The following STAT5B variants were observed in gnomAD, a reference collection of about 807,000 sequenced individuals.
STAT5B encodes transcription factor STAT5B.
Under a neutral mutation model 107.8 loss-of-function variants are expected in STAT5B, and 21 were observed. The observed-to-expected ratio is 0.19, with a 90% confidence interval of 0.14 to 0.28. STAT5B has a LOEUF of 0.28. STAT5B is among the 10% of genes least tolerant of loss of function. The pLI is 1.00. For synonymous variants in STAT5B, 325 were observed against 401.7 expected (o/e 0.81, Z 2.28); for missense variants, 565 against 1,008.2 (o/e 0.56, Z 5.95).
chr17:42,280,505 C>T (rs554419382), upstream of STAT5B, among the ~76,000 whole-genome samples: 1 of 152,278 alleles, frequency 6.6e-6, no homozygotes, highest in African/African-American at 2.4e-5. Flanking sequence ...TATGGCTTCC[C>T]TCCTGCATCC....
At position 42,221,949 on chromosome 17, in the gene STAT5B, GGTGT is replaced by G. The variant is rs893423853; in HGVS notation, c.550+1429_550+1432del. Among the ~76,000 whole-genome samples, 15 of 146,410 alleles carry G rather than the reference GGTGT, an allele frequency of 1.0e-4. No homozygotes were observed. In the South Asian group the frequency reaches 2.2e-3, roughly 22 times the overall value. Reference sequence around the variant, plus strand: ...CTATGTGTGTGTGGTGTGTATGTGTGGTGTGTGTGTGTGCTATGTGTGGTGTGTG... The same window carrying G: ...CTATGTGTGTGTGGTGTGTATGTGTGGTGTGTGTGCTATGTGTGGTGTGTG... On this transcript the variant is annotated intron_variant, in intron 5 of 18. Coordinates refer to ENST00000293328, the MANE Select transcript of STAT5B (RefSeq NM_012448.4).
intron 1 of STAT5B, among the ~76,000 whole-genome samples, chr17:42,255,679 A>G (rs1479457067): frequency 6.6e-6 from 1 of 152,214 alleles, no homozygotes; most frequent in African/African-American, 2.4e-5. Flanking sequence ...TTTTATTCTC[A>G]TTACTGTTTA....
rs59157462 is a variant in STAT5B, at chr17:42,248,579, T to C, written c.-10-16442A>G. Among the ~76,000 whole-genome samples, 395 of 125,114 alleles carry C rather than the reference T, an allele frequency of 3.2e-3. 4 individuals are homozygous for C. Among genetic ancestry groups the C allele is most frequent in the African/African-American group, 0.011 (376 of 33,470 alleles). 82.1% of individuals were successfully genotyped at this position (125,114 alleles called of 152,430 possible). A position where few individuals can be genotyped will look rare whatever the true frequency, so the allele number is the denominator to read the frequency against. On this transcript the variant is annotated intron_variant, in intron 1 of 18. Transcript: ENST00000293328. Reference sequence around the variant, plus strand: ...CCGTCTCTCACTATACCTCTAATAGTAGATCTACACACAACTTAGCATGGT... The same window carrying C: ...CCGTCTCTCACTATACCTCTAATAGCAGATCTACACACAACTTAGCATGGT...
chr17:42,219,513 C>G, intron 6 of STAT5B, 50 bp from the exon 7 acceptor site: 1 of 1,197,228 alleles, frequency 8.4e-7, no homozygotes, highest in Non-Finnish European at 1.1e-6. Context: ...GAGAACACCG[C>G]AGGGCCTCGC....
chr17:42,202,945 T>C (rs997488255), intron 16 of STAT5B, 137 bp from the exon 17 acceptor site: 10 of 1,226,092 alleles, frequency 8.2e-6, no homozygotes, highest in Admixed American at 3.8e-5. Flanking sequence ...CACTTAATAT[T>C]TTTTTGTTTT....
intron 16 of STAT5B, 65 bp downstream of exon 16, chr17:42,207,487 GCACACA>G (rs57356051): frequency 0.048 from 56,221 of 1,179,530 alleles, 410 homozygotes; most frequent in African/African-American, 0.055. Flanking sequence ...ACGCAGGTAT[GCACACA>G]CACACACACA....
intron 1 of STAT5B, among the ~76,000 whole-genome samples, chr17:42,259,779 C>CAA (rs374490542): frequency 7.1e-6 from 1 of 141,622 alleles, no homozygotes; most frequent in Non-Finnish European, 1.5e-5. Flanking sequence ...GATTCTGTCT[C>CAA]AAAAAAAAAA....
rs370769279 is a variant in STAT5B at position 42,207,644 on chromosome 17, T to G, written c.1991A>C (p.Asn664Thr). 2 of 1,613,972 alleles carry G rather than the reference T, an allele frequency of 1.2e-6. No individual in the cohort carries two copies. The highest frequency in any genetic ancestry group is 2.7e-5 in the African/African-American group (2 of 74,888). The change falls in exon 16 of 19, where the codon AAT (asparagine) becomes ACT (threonine). Residue 664 changes from asparagine to threonine, a missense_variant. This residue lies in a region of STAT5B where 38 missense variants were observed against 79.5 expected (regional missense o/e 0.48). Transcript: ENST00000293328. ...ATCAGGAAACACGTAGATAAGGTAA[T>G]TCAAGTCTCCCAAGCGGTCGGCTAG... is the stretch of plus-strand genomic sequence containing the variant. ...RSLADRLGDL[N>T]YLIYVFPDRP...
At position 42,243,482 on chromosome 17, in the gene STAT5B, C is replaced by A. The variant is rs146092531; in HGVS notation, c.-10-11345G>T. 9.6e-4 allele frequency among the ~76,000 whole-genome samples: 146 copies of A among 152,300 alleles called. 1 individual carries two copies. In the Middle Eastern group the frequency reaches 0.01, roughly 11 times the overall value. ...CAGGTTGCGTAGAAGAATGCCCTTG[C>A]TGGGAGTAGATACACTGTCAAGTAT... On this transcript the variant is annotated intron_variant, in intron 1 of 18. Transcript: ENST00000293328.
rs2080037654 is a variant in STAT5B at position 42,200,799 on chromosome 17, GC to G, written c.*938del. ...AGCATCATCAATAAGCCTGAAGAAG[GC>G]CACGGACTGTGCATCCGCTGGCTCA... On this transcript the variant is annotated 3_prime_UTR_variant, in exon 19 of 19. Coordinates refer to ENST00000293328, the MANE Select transcript of STAT5B (RefSeq NM_012448.4). The G allele has an allele frequency of 2.9e-6, 1 of 346,372 alleles. No individual in the cohort carries two copies. The highest frequency in any genetic ancestry group is 5.2e-6 in the Non-Finnish European group (1 of 193,350). 21.5% of individuals were successfully genotyped at this position (346,372 alleles called of 1,614,324 possible).
chr17:42,261,930 C>A (rs1436446870), intron 1 of STAT5B, among the ~76,000 whole-genome samples: 1 of 151,988 alleles, frequency 6.6e-6, no homozygotes, highest in African/African-American at 2.4e-5. Flanking sequence ...GAACTCCCGG[C>A]CTCAAGCAAT....
chr17:42,264,264 A>G (rs1486660802), intron 1 of STAT5B, among the ~76,000 whole-genome samples: 1 of 151,784 alleles, frequency 6.6e-6, no homozygotes, highest in Non-Finnish European at 1.5e-5. Flanking sequence ...TGTGCAGGTT[A>G]GTTACATACG....
At chr17:42,223,782 T>C (rs1306216489) in intron 4 of STAT5B, among the ~76,000 whole-genome samples, 2 of 152,174 alleles carry the variant, frequency 1.3e-5, no homozygotes, top group South Asian at 2.1e-4. Flanking sequence ...GGGAGAAGCT[T>C]CCATTTCAGA....
intron 1 of STAT5B, among the ~76,000 whole-genome samples, chr17:42,256,385 CTCT>C (rs1330743889): frequency 4.6e-5 from 7 of 152,086 alleles, no homozygotes; most frequent in Admixed American, 4.6e-4. Flanking sequence ...CCAGCCCCCT[CTCT>C]TTTCTTTCTT....
At position 42,216,015 on chromosome 17, in the gene STAT5B, G is replaced by A. The variant is rs2080168686; in HGVS notation, c.1472C>T (p.Pro491Leu). The A allele has an allele frequency of 6.2e-7, 1 of 1,613,948 alleles. No homozygotes were observed. Among genetic ancestry groups the A allele is most frequent in the Non-Finnish European group, 8.5e-7 (1 of 1,179,970 alleles). Residue 491 changes from proline (P) to leucine (L), a missense_variant and splice_region_variant, in exon 12 of 19, where the codon CCT (proline) becomes CTT (leucine). Physicochemically the swap from Pro to Leu is moderately conservative, Grantham distance 98. Transcript: ENST00000293328. ...CACATGCCCGAGGAATACACTCACA[G>A]GCTCTGCAAAAGCATTGTCCCAGAG... ...TVLWDNAFAE[P>L]GRVPFAVPDK...
chr17:42,241,280 C>T (rs1022888622), intron 1 of STAT5B, among the ~76,000 whole-genome samples: 7 of 147,068 alleles, frequency 4.8e-5, no homozygotes, highest in African/African-American at 7.6e-5. Flanking sequence ...GTAGAAGTTG[C>T]GGTGAGCTGA....
the STAT5B span, among the ~76,000 whole-genome samples, chr17:42,285,782 T>A: frequency 6.6e-6 from 1 of 152,130 alleles, no homozygotes; most frequent in Non-Finnish European, 1.5e-5. Context: ...CCTTTGCCCA[T>A]CCTGGGAAAG....
chr17:42,204,301 G>A (rs931588927), intron 16 of STAT5B, among the ~76,000 whole-genome samples: 7 of 152,144 alleles, frequency 4.6e-5, no homozygotes, highest in Admixed American at 2.6e-4. Context: ...GTAAGCAGGT[G>A]GTAAGAATGT....
chr17:42,214,603 CT>C, intron 12 of STAT5B: 1 of 985,350 alleles, frequency 1.0e-6, no homozygotes, highest in South Asian at 4.7e-5. Context: ...ATCCTATATT[CT>C]AACAGCCACA....
Sources: gnomAD v4.1 joint callset for allele counts (sites outside exome capture counted in the v4.1 genomes callset) on GRCh38, gnomAD v4.1.1 for gene constraint, gnomAD v4.1.1 regional missense constraint, MANE v1.5 for transcripts, NCBI Gene and HGNC (gene_info 2026-07-23, HGNC 2026-07-21) for gene names.